The following AUTS2 variants were observed in gnomAD, a reference collection of about 807,000 sequenced individuals.
The protein encoded by AUTS2 is activator of transcription and developmental regulator AUTS2.
A neutral mutation model predicts 112.4 loss-of-function variants in AUTS2; 17 were observed. That is an observed-to-expected ratio of 0.15 (90% CI 0.10 to 0.23). The LOEUF is 0.23. AUTS2 is among the 10% of genes least tolerant of loss of function. The probability of loss-of-function intolerance (pLI) is 1.00; values close to 1 mark genes in which losing one functional copy is unlikely to be tolerated. For synonymous variants in AUTS2, 751 were observed against 702.7 expected, an observed-to-expected ratio of 1.07 and a Z score of -1.09; for missense variants, 1,510 against 1,701.6, an observed-to-expected ratio of 0.89 and a Z score of 1.98.
At chr7:69,634,775 G>T (rs557826825) in intron 1 of AUTS2, among the ~76,000 whole-genome samples, 5 of 152,320 alleles carry the variant, frequency 3.3e-5, no homozygotes, top group African/African-American at 1.2e-4. Context: ...GTGTATAAAA[G>T]AAGAGTTTTT....
intron 2 of AUTS2, among the ~76,000 whole-genome samples, chr7:70,020,804 C>T (rs1800236505): frequency 6.6e-6 from 1 of 152,078 alleles, no homozygotes; most frequent in South Asian, 2.1e-4. Flanking sequence ...CCACCTTAGC[C>T]TCCCAAGTAG....
intron 6 of AUTS2, among the ~76,000 whole-genome samples, chr7:70,709,265 G>A (rs1809915039): frequency 6.6e-6 from 1 of 152,126 alleles, no homozygotes; most frequent in African/African-American, 2.4e-5. Flanking sequence ...GAGGTGGCAG[G>A]AGGGAAGCCC....
chr7:70,299,579 T>C (rs1182883886), intron 4 of AUTS2, among the ~76,000 whole-genome samples: 1 of 152,142 alleles, frequency 6.6e-6, no homozygotes, highest in South Asian at 2.1e-4. Context: ...TTGGTATCAT[T>C]GAAGCCTACG....
chr7:70,413,917 T>A (rs1195738522), intron 4 of AUTS2, among the ~76,000 whole-genome samples: 2 of 152,090 alleles, frequency 1.3e-5, no homozygotes, highest in African/African-American at 4.8e-5. Context: ...TCAAGCAATA[T>A]GCCCGCCTCG....
chr7:70,468,622 G>A (rs577660109), intron 5 of AUTS2, among the ~76,000 whole-genome samples: 495 of 152,278 alleles, frequency 3.3e-3, no homozygotes, highest in Non-Finnish European at 6.0e-3. Context: ...CAAATACATT[G>A]CGAAATTTTT....
chr7:69,613,685 T>G (rs1046595149), intron 1 of AUTS2, among the ~76,000 whole-genome samples: 1 of 152,226 alleles, frequency 6.6e-6, no homozygotes. Flanking sequence ...TGCTATAGAT[T>G]CTGAAGTATT....
rs139726298 is a variant in AUTS2 at position 70,607,326 on chromosome 7, A to G, written c.691-91243A>G. 1.9e-4 allele frequency among the ~76,000 whole-genome samples: 29 copies of G among 152,324 alleles called. No homozygotes were observed. In the East Asian group the frequency reaches 2.3e-3, roughly 12 times the overall value. ...CTCTCTGTGTTGGGATATATGATCA[A>G]TTGAAGCCTCTGGGCAGAATCCATT... is the stretch of plus-strand genomic sequence containing the variant. On this transcript the variant is annotated intron_variant, in intron 5 of 18. Coordinates refer to ENST00000342771, the MANE Select transcript of AUTS2 (RefSeq NM_015570.4).
At chr7:70,570,177 G>A (rs1199989292) in intron 5 of AUTS2, among the ~76,000 whole-genome samples, 11 of 152,176 alleles carry the variant, frequency 7.2e-5, no homozygotes, top group Non-Finnish European at 1.6e-4. Flanking sequence ...AGGCAGGTCT[G>A]GCCTAGAAAG....
intron 1 of AUTS2, among the ~76,000 whole-genome samples, chr7:69,806,403 G>A (rs1032763106): frequency 2.8e-4 from 42 of 151,914 alleles, no homozygotes; most frequent in African/African-American, 9.9e-4. Context: ...TTCTAAGGGC[G>A]TTATACTTGT....
In AUTS2 at chr7:69,780,326, C is replaced by T. The variant is rs190361795; in HGVS notation, c.310-118960C>T. Among the ~76,000 whole-genome samples the T allele has an allele frequency of 1.1e-4, 16 of 152,290 alleles. No homozygotes were observed. The East Asian group carries it at 2.9e-3, about 28-fold the overall frequency. ...AACTACTAGAGCCTTCGTTACAATACATTTTAGAGGGCTCCAAAGTTATAA... is the reference window on the plus strand; with the variant it reads ...AACTACTAGAGCCTTCGTTACAATATATTTTAGAGGGCTCCAAAGTTATAA... On this transcript the variant is annotated intron_variant, in intron 1 of 18. Transcript: ENST00000342771.
intron 4 of AUTS2, among the ~76,000 whole-genome samples, chr7:70,312,152 C>A (rs1425413547): frequency 6.6e-6 from 1 of 152,214 alleles, no homozygotes. Flanking sequence ...AGCCACCACA[C>A]CCCGCTGGGA....
intron 4 of AUTS2, among the ~76,000 whole-genome samples, chr7:70,190,518 G>A (rs929417095): frequency 6.6e-6 from 1 of 152,140 alleles, no homozygotes; most frequent in Non-Finnish European, 1.5e-5. Flanking sequence ...GACAGTGGGG[G>A]ATGCTCACCT....
chr7:70,392,380 G>C (rs1283837520), intron 4 of AUTS2, among the ~76,000 whole-genome samples: 3 of 152,120 alleles, frequency 2.0e-5, no homozygotes, highest in Non-Finnish European at 4.4e-5. Context: ...ACATTTTCCA[G>C]ATTTAATTGA....
At chr7:70,521,659 C>T (rs773957766) in intron 5 of AUTS2, among the ~76,000 whole-genome samples, 7 of 152,176 alleles carry the variant, frequency 4.6e-5, no homozygotes, top group Non-Finnish European at 2.9e-5. Flanking sequence ...TTCCAGTGGA[C>T]TTTGATTAGG....
intron 4 of AUTS2, among the ~76,000 whole-genome samples, chr7:70,171,930 T>C (rs1016262019): frequency 1.3e-5 from 2 of 151,944 alleles, no homozygotes; most frequent in Admixed American, 6.6e-5. Context: ...TTTCCCTCCT[T>C]CTTTTCTTGG....
At chr7:70,476,902 G>A (rs973737587) in intron 5 of AUTS2, among the ~76,000 whole-genome samples, 2 of 152,180 alleles carry the variant, frequency 1.3e-5, no homozygotes, top group Non-Finnish European at 2.9e-5. Flanking sequence ...ACTTGAATTT[G>A]TGTTCAGAGC....
chr7:69,600,448 T>C (rs1476487948), intron 1 of AUTS2, among the ~76,000 whole-genome samples: 1 of 150,916 alleles, frequency 6.6e-6, no homozygotes, highest in East Asian at 2.0e-4. Flanking sequence ...TGTGTCTGTG[T>C]AGTATATACC....
In AUTS2 at chr7:69,616,389, C is replaced by A. The variant is rs149183805; in HGVS notation, c.309+16427C>A. 1.4e-3 allele frequency among the ~76,000 whole-genome samples: 210 copies of A among 152,266 alleles called. 1 individual carries two copies. In the Middle Eastern group the frequency reaches 0.017, roughly 12 times the overall value. ...TCCACCTCCCTTCTTCCTTTCCCCT[C>A]TTAGAAGCAATGGGATTATTGCAGC... On this transcript the variant is annotated intron_variant, in intron 1 of 18. Transcript: ENST00000342771.
rs1480510694 is a variant in AUTS2 at position 70,144,107 on chromosome 7, CAG to C, written c.660+9539_660+9540del. Among the ~76,000 whole-genome samples, 23 of 152,080 alleles carry C rather than the reference CAG, an allele frequency of 1.5e-4. No individual in the cohort carries two copies. The East Asian group carries it at 4.3e-3, about 28-fold the overall frequency. On this transcript the variant is annotated intron_variant, in intron 4 of 18. Transcript: ENST00000342771. ...GTGCCATATTTCTCTTACTGCTCCT[CAG>C]AGTTCTCCCTTTCCATTTTTAGTCC...
Sources: allele counts gnomAD v4.1 joint callset (sites outside exome capture counted in the v4.1 genomes callset), GRCh38; gene constraint gnomAD v4.1.1; transcripts MANE v1.5; gene names NCBI Gene and HGNC (gene_info 2026-07-23, HGNC 2026-07-21).